SS18L2: variants seen among roughly 807,000 people sequenced by gnomAD.
SS18L2 encodes the protein SS18 like 2.
In SS18L2, 8 loss-of-function variants were observed where a neutral mutation model predicts 10.3. The observed-to-expected ratio is 0.78, with a 90% CI of 0.46 to 1.41. The LOEUF (loss-of-function observed/expected upper bound fraction) is 1.41, where lower values mean the gene tolerates loss of function less well. Among genes scored for constraint, SS18L2 ranks in the 40% most tolerant of loss-of-function variants. The probability of loss-of-function intolerance (pLI) is 0.00; values close to 1 mark genes in which losing one functional copy is unlikely to be tolerated. For synonymous variants in SS18L2, 41 were observed against 34.6 expected, an observed-to-expected ratio of 1.19 and a Z score of -0.65; for missense variants, 100 against 96.2, an observed-to-expected ratio of 1.04 and a Z score of -0.17.
intron 2 of SS18L2, among the ~76,000 whole-genome samples, chr3:42,593,757 G>A (rs552082311): frequency 1.6e-4 from 25 of 152,308 alleles, no homozygotes; most frequent in African/African-American, 5.8e-4. Flanking sequence ...AGTAAGTGGG[G>A]GGAGGAGTGC....
upstream of SS18L2, among the ~76,000 whole-genome samples, chr3:42,585,996 C>G (rs571894977): frequency 3.9e-4 from 59 of 152,188 alleles, no homozygotes; most frequent in African/African-American, 1.4e-3. Flanking sequence ...AAAGAGCAAC[C>G]ATCAAAGTGA....
chr3:42,587,208 C>T (rs1704642245), upstream of SS18L2, among the ~76,000 whole-genome samples: 1 of 152,196 alleles, frequency 6.6e-6, no homozygotes, highest in African/African-American at 2.4e-5. Context: ...CAGGCTTCAT[C>T]ATTCTTCTGC....
upstream of SS18L2, among the ~76,000 whole-genome samples, chr3:42,588,653 G>A (rs1704705174): frequency 1.3e-5 from 2 of 152,234 alleles, no homozygotes; most frequent in South Asian, 2.1e-4. Flanking sequence ...AGTATAGGCC[G>A]GGCATGGTGG....
chr3:42,594,820 T>C lies in SS18L2; in HGVS notation c.*311T>C, dbSNP rs533734902. ...TGGGATGTTCAAGTCTACTTTTTAG[T>C]TTCAACCTGAAGAGGAAACTCAGTA... On this transcript the variant is annotated 3_prime_UTR_variant, in exon 3 of 3. Transcript: ENST00000011691. 1 of 196,234 alleles carries C rather than the reference T, an allele frequency of 5.1e-6. No individual in the cohort carries two copies. The highest frequency in any genetic ancestry group is 1.3e-4 in the East Asian group (1 of 7,728). 12.2% of individuals were successfully genotyped at this position (196,234 alleles called of 1,614,324 possible).
At chr3:42,585,117 G>A (rs1272232020) in intron 1 of SS18L2, among the ~76,000 whole-genome samples, 2 of 152,058 alleles carry the variant, frequency 1.3e-5, no homozygotes, top group South Asian at 2.1e-4. Context: ...CTACAAGAGC[G>A]AAACTCCATC....
At chr3:42,590,453 A>AC (rs1394648396), upstream of SS18L2, among the ~76,000 whole-genome samples, 1 of 151,854 alleles carries the variant, frequency 6.6e-6, no homozygotes, top group African/African-American at 2.4e-5. Context: ...ATATGGTGAA[A>AC]CCCCGTCTCT....
rs551548266 is a variant in SS18L2 at position 42,591,460 on chromosome 3, C to T, written c.70-65C>T. 2.8e-5 allele frequency: 35 copies of T among 1,234,900 alleles called. No individual in the cohort carries two copies. In the South Asian group the frequency reaches 4.2e-4, roughly 15 times the overall value. The allele number at this position is 1,234,900 out of a possible 1,614,324, so 76.5% of individuals were successfully genotyped here. A position where few individuals can be genotyped will look rare whatever the true frequency, so the allele number is the denominator to read the frequency against. Reference sequence around the variant, plus strand: ...CGCCTAGATCGGCCTCCCAAAGGGCCGGGGTTACAGGCGTGAGCCACTGCG... The same window carrying T: ...CGCCTAGATCGGCCTCCCAAAGGGCTGGGGTTACAGGCGTGAGCCACTGCG... On this transcript the variant is annotated intron_variant, in intron 1 of 2. Transcript: ENST00000011691.
chr3:42,596,211 G>A lies in SS18L2; in HGVS notation c.*1702G>A, dbSNP rs1392792281. ...TAATTTTGGTATTTTTAGTAGAGAC[G>A]GGGTTTCTCCATGTTGGTCAGGCTG... is the stretch of plus-strand genomic sequence containing the variant. On this transcript the variant is annotated 3_prime_UTR_variant, in exon 3 of 3. Transcript: ENST00000011691. Among the ~76,000 whole-genome samples, 6 of 151,930 alleles carry A rather than the reference G, an allele frequency of 3.9e-5. No homozygotes were observed. The highest frequency in any genetic ancestry group is 8.8e-5 in the Non-Finnish European group (6 of 67,966).
intron 1 of SS18L2, among the ~76,000 whole-genome samples, chr3:42,583,149 T>C (rs1704486939): frequency 6.6e-6 from 1 of 152,192 alleles, no homozygotes. Context: ...CATAGAACAC[T>C]GGTCAAAATT....
chr3:42,589,920 G>C (rs1192591537), upstream of SS18L2, among the ~76,000 whole-genome samples: 1 of 152,166 alleles, frequency 6.6e-6, no homozygotes, highest in Non-Finnish European at 1.5e-5. Flanking sequence ...CTTGCATCTT[G>C]CGGCACAACA....
upstream of SS18L2, chr3:42,590,810 C>A: frequency 7.4e-7 from 1 of 1,349,710 alleles, no homozygotes; most frequent in Non-Finnish European, 1.1e-6. Flanking sequence ...GCCCTGTAGG[C>A]GGGAGCATCC....
Position 42,590,973 on chromosome 3 carries a change from A to G in SS18L2, c.69+7A>G. ...TCAAGAGACTATCCAGCGGGTGAGC[A>G]TCCACGCGGGCGGGCGGGCGGGCGG... On this transcript the variant is annotated splice_region_variant and intron_variant, in intron 1 of 2. Transcript: ENST00000011691. 1 of 363,546 alleles carries G rather than the reference A, an allele frequency of 2.8e-6. No individual in the cohort carries two copies. The highest frequency in any genetic ancestry group is 5.6e-6 in the Non-Finnish European group (1 of 179,570). The allele number at this position is 363,546 out of a possible 1,614,324, so 22.5% of individuals were successfully genotyped here.
chr3:42,587,095 C>A (rs138249291), upstream of SS18L2, among the ~76,000 whole-genome samples: 1 of 152,326 alleles, frequency 6.6e-6, no homozygotes, highest in Non-Finnish European at 1.5e-5. Context: ...CTATCTCTGG[C>A]CTGCATGCTT....
At chr3:42,594,360 A>C in intron 2 of SS18L2, 62 bp from the exon 3 acceptor site, 1 of 1,318,002 alleles carries the variant, frequency 7.6e-7, no homozygotes, top group Non-Finnish European at 1.1e-6. Flanking sequence ...ATTATTTTCC[A>C]GTTTTTTGTT....
At chr3:42,591,007 C>T (rs1330078219) in intron 1 of SS18L2, 41 bp downstream of exon 1, 3 of 1,554,750 alleles carry the variant, frequency 1.9e-6, no homozygotes, top group Non-Finnish European at 8.7e-7. Flanking sequence ...GGAGAGAAGT[C>T]GGGATCCCGA....
intron 2 of SS18L2, among the ~76,000 whole-genome samples, chr3:42,593,998 C>G (rs1704951499): frequency 6.6e-6 from 1 of 152,146 alleles, no homozygotes; most frequent in Non-Finnish European, 1.5e-5. Context: ...CAGAGGGGGA[C>G]TGGAGGCCCC....
At chr3:42,584,225 C>T (rs1704535425) in intron 1 of SS18L2, among the ~76,000 whole-genome samples, 1 of 152,148 alleles carries the variant, frequency 6.6e-6, no homozygotes, top group Admixed American at 6.5e-5. Context: ...GGTGCATATA[C>T]AGGTTGCAGG....
chr3:42,586,649 C>G (rs551748045), upstream of SS18L2, among the ~76,000 whole-genome samples: 10 of 151,546 alleles, frequency 6.6e-5, no homozygotes, highest in South Asian at 2.1e-3. Flanking sequence ...TCTCTAGTCT[C>G]TTTCTCCCCT....
At position 42,596,029 on chromosome 3, in the gene SS18L2, TTTTG is replaced by T. The variant is rs767598525; in HGVS notation, c.*1524_*1527del. On this transcript the variant is annotated 3_prime_UTR_variant, in exon 3 of 3. Coordinates refer to ENST00000011691, the MANE Select transcript of SS18L2 (RefSeq NM_001370300.1). Reference sequence around the variant, plus strand: ...TTTTTTTGGTTTTGTTTTGTTTTGTTTTTGTTTTTGTTTTTTTTTGAGACGGAAT... The same window carrying T: ...TTTTTTTGGTTTTGTTTTGTTTTGTTTTTTTGTTTTTTTTTGAGACGGAAT... 5.9e-5 allele frequency among the ~76,000 whole-genome samples: 9 copies of T among 151,700 alleles called. No homozygotes were observed. Among genetic ancestry groups the T allele is most frequent in the Non-Finnish European group, 5.9e-5 (4 of 67,932 alleles).
Sources: gnomAD v4.1 joint callset for allele counts (sites outside exome capture counted in the v4.1 genomes callset) on GRCh38, gnomAD v4.1.1 for gene constraint, MANE v1.5 for transcripts, NCBI Gene and HGNC (gene_info 2026-07-23, HGNC 2026-07-21) for gene names.